WNT2: variants seen among roughly 807,000 people sequenced by gnomAD.
WNT2 encodes protein Wnt-2.
A neutral mutation model predicts 36.9 loss-of-function variants in WNT2; 12 were observed. The observed-to-expected ratio is 0.33, with a 90% CI of 0.21 to 0.53. WNT2 has a LOEUF of 0.53. Among genes scored for constraint, WNT2 ranks in the 20% least tolerant of loss-of-function variants. WNT2 has a pLI of 0.95. For missense variants in WNT2, 379 were observed against 473.1 expected (o/e 0.80, Z 1.84); for synonymous variants, 163 against 174.6 (o/e 0.93, Z 0.52).
chr7:117,295,963 G>GTA (rs1794782499), intron 4 of WNT2, among the ~76,000 whole-genome samples: 3 of 152,182 alleles, frequency 2.0e-5, no homozygotes, highest in South Asian at 2.1e-4. Flanking sequence ...TCATAGGGCT[G>GTA]CTGTAAGGAT....
intron 4 of WNT2, among the ~76,000 whole-genome samples, chr7:117,297,096 G>T (rs1794804737): frequency 6.6e-6 from 1 of 152,140 alleles, no homozygotes; most frequent in Non-Finnish European, 1.5e-5. Flanking sequence ...CTAGAAATCT[G>T]CCCAGGCTGA....
intron 3 of WNT2, among the ~76,000 whole-genome samples, chr7:117,307,717 A>AT (rs1278090953): frequency 1.1e-4 from 17 of 152,046 alleles, no homozygotes; most frequent in Admixed American, 5.9e-4. Flanking sequence ...GAACATGAGA[A>AT]TTTTTTTCTT....
chr7:117,296,139 C>T (rs945830554), intron 4 of WNT2, among the ~76,000 whole-genome samples: 12 of 152,152 alleles, frequency 7.9e-5, no homozygotes, highest in Non-Finnish European at 1.5e-4. Context: ...GGGGGTCAGA[C>T]CCCTGGGACA....
chr7:117,287,663 T>C (rs1299039605), intron 4 of WNT2, among the ~76,000 whole-genome samples: 1 of 152,224 alleles, frequency 6.6e-6, no homozygotes, highest in African/African-American at 2.4e-5. Context: ...TGCTGATTTA[T>C]TAAATATTAC....
chr7:117,308,150 T>C (rs1795047223), intron 3 of WNT2, among the ~76,000 whole-genome samples: 2 of 152,244 alleles, frequency 1.3e-5, no homozygotes, highest in African/African-American at 4.8e-5. Flanking sequence ...GGCCAACTCA[T>C]ACCTTTTAAA....
In WNT2 at chr7:117,322,875, A is replaced by T; in HGVS notation, c.83+32T>A. The T allele has an allele frequency of 6.3e-7, 1 of 1,592,272 alleles. No homozygotes were observed. The highest frequency in any genetic ancestry group is 8.5e-7 in the Non-Finnish European group (1 of 1,172,254). ...CAATGCGGTCCCCATTCCGATCTCC[A>T]AAATCCCCCGCGCCCGTGCGCGTGG... On this transcript the variant is annotated intron_variant, in intron 1 of 4. Transcript: ENST00000265441. This position sits in a 1 kb window ranked among gnomAD's most constrained non-coding sequence, Gnocchi z 5.4.
intron 4 of WNT2, among the ~76,000 whole-genome samples, chr7:117,279,525 A>G (rs1018090535): frequency 6.6e-6 from 1 of 152,194 alleles, no homozygotes; most frequent in African/African-American, 2.4e-5. Flanking sequence ...GCTGTACACC[A>G]TGGTGAGGTC....
intron 4 of WNT2, among the ~76,000 whole-genome samples, chr7:117,278,857 A>G (rs733154): frequency 0.46 from 70,179 of 152,014 alleles, 16,516 homozygotes; most frequent in Middle Eastern, 0.52. Context: ...AAGGGAGGGA[A>G]TTTTATCTCC....
In WNT2 at chr7:117,275,657, G is replaced by A. The variant is rs1339630419; in HGVS notation, c.*2498C>T. 6.6e-6 allele frequency among the ~76,000 whole-genome samples: 1 copy of A among 152,166 alleles called. No individual in the cohort carries two copies. The highest frequency in any genetic ancestry group is 1.5e-5 in the Non-Finnish European group (1 of 68,032). On this transcript the variant is annotated 3_prime_UTR_variant, in exon 5 of 5. Coordinates refer to ENST00000265441, the MANE Select transcript of WNT2 (RefSeq NM_003391.3). Reference sequence around the variant, plus strand: ...GAGTTTCAGTGTATTTCAGGTTCCTGGAATACTGATCCTCTACCAAGCTCT... The same window carrying A: ...GAGTTTCAGTGTATTTCAGGTTCCTAGAATACTGATCCTCTACCAAGCTCT...
chr7:117,307,511 G>A (rs1422964559), intron 3 of WNT2, among the ~76,000 whole-genome samples: 1 of 152,180 alleles, frequency 6.6e-6, no homozygotes, highest in African/African-American at 2.4e-5. Context: ...AGTCTCTGGG[G>A]CTCATGTTCC....
At chr7:117,320,349 G>T (rs1325968523) in intron 2 of WNT2, 3 of 566,546 alleles carry the variant, frequency 5.3e-6, no homozygotes, top group Non-Finnish European at 9.5e-6. Flanking sequence ...AACAGCCTGG[G>T]GTTCTACTTC....
At position 117,275,665 on chromosome 7, in the gene WNT2, G is replaced by C. The variant is rs1436393366; in HGVS notation, c.*2490C>G. 1.3e-5 allele frequency among the ~76,000 whole-genome samples: 2 copies of C among 152,202 alleles called. No individual in the cohort carries two copies. Among genetic ancestry groups the C allele is most frequent in the Non-Finnish European group, 1.5e-5 (1 of 68,044 alleles). ...GTGTATTTCAGGTTCCTGGAATACT[G>C]ATCCTCTACCAAGCTCTAAGGCAAA... On this transcript the variant is annotated 3_prime_UTR_variant, in exon 5 of 5. Coordinates refer to ENST00000265441, the MANE Select transcript of WNT2 (RefSeq NM_003391.3).
intron 4 of WNT2, among the ~76,000 whole-genome samples, chr7:117,287,482 C>A (rs1369307100): frequency 6.6e-6 from 1 of 152,050 alleles, no homozygotes. Flanking sequence ...GTCTGCAAGC[C>A]CAGCTAACCT....
chr7:117,302,952 C>T (rs1390357353), intron 3 of WNT2, among the ~76,000 whole-genome samples: 1 of 152,140 alleles, frequency 6.6e-6, no homozygotes, highest in Non-Finnish European at 1.5e-5. Context: ...TGAAATTACT[C>T]CACATAGTAA....
At position 117,305,751 on chromosome 7, in the gene WNT2, C is replaced by T. The variant is rs564286153; in HGVS notation, c.589-7875G>A. On this transcript the variant is annotated intron_variant, in intron 3 of 4. Coordinates refer to ENST00000265441, the MANE Select transcript of WNT2 (RefSeq NM_003391.3). Reference sequence around the variant, plus strand: ...TCATAGGCACCATAATAGGGCACTACAGCTTTGAACTCCTGGGCTCGAGTG... The same window carrying T: ...TCATAGGCACCATAATAGGGCACTATAGCTTTGAACTCCTGGGCTCGAGTG... Among the ~76,000 whole-genome samples, 82 of 152,284 alleles carry T rather than the reference C, an allele frequency of 5.4e-4. 1 individual carries two copies. Among genetic ancestry groups the T allele is most frequent in the African/African-American group, 1.9e-3 (80 of 41,566 alleles).
rs192749735 is a variant in WNT2, at chr7:117,289,626, T to C, written c.853+7986A>G. Among the ~76,000 whole-genome samples, 19 of 152,342 alleles carry C rather than the reference T, an allele frequency of 1.2e-4. No individual in the cohort carries two copies. The East Asian group carries it at 3.7e-3, about 29-fold the overall frequency. ...CAGCTAATCTAATGAAACTGTTTTA[T>C]GTTTTTTTATAATTTGCCATTCAAT... On this transcript the variant is annotated intron_variant, in intron 4 of 4. Coordinates refer to ENST00000265441, the MANE Select transcript of WNT2 (RefSeq NM_003391.3).
intron 4 of WNT2, among the ~76,000 whole-genome samples, chr7:117,288,233 A>G (rs117828100): frequency 6.5e-4 from 99 of 152,334 alleles, no homozygotes; most frequent in Non-Finnish European, 1.1e-3. Flanking sequence ...AGGTTCTGTT[A>G]TTGCAAACTT....
At chr7:117,279,230 G>C (rs1438015715) in intron 4 of WNT2, among the ~76,000 whole-genome samples, 1 of 152,106 alleles carries the variant, frequency 6.6e-6, no homozygotes, top group Non-Finnish European at 1.5e-5. Context: ...CTCTATTCTT[G>C]GGGACGCACT....
chr7:117,302,125 G>T (rs1344304153), intron 3 of WNT2, among the ~76,000 whole-genome samples: 2 of 152,050 alleles, frequency 1.3e-5, no homozygotes, highest in Admixed American at 6.6e-5. Context: ...ATCAAGAATT[G>T]ACTTAAAATA....
Sources: allele counts gnomAD v4.1 joint callset (sites outside exome capture counted in the v4.1 genomes callset), GRCh38; gene constraint gnomAD v4.1.1; non-coding constraint Gnocchi (gnomAD v3.1); transcripts MANE v1.5; gene names NCBI Gene and HGNC (gene_info 2026-07-23, HGNC 2026-07-21).